The following SHISA6 variants were observed in gnomAD, a reference collection of about 807,000 sequenced individuals.
The protein encoded by SHISA6 is protein shisa-6.
A neutral mutation model predicts 47.9 loss-of-function variants in SHISA6; 22 were observed. The observed-to-expected ratio is 0.46, with a 90% CI of 0.33 to 0.66. The LOEUF (loss-of-function observed/expected upper bound fraction) is 0.66, where lower values mean the gene tolerates loss of function less well. Ranked by LOEUF, SHISA6 falls within the 30% of genes least tolerant of loss-of-function variation. SHISA6 has a pLI of 0.02. For missense variants in SHISA6, 680 were observed against 764.6 expected (o/e 0.89, Z 1.30); for synonymous variants, 388 against 337.8 (o/e 1.15, Z -1.63).
At chr17:11,531,080 C>G (rs931714965) in intron 3 of SHISA6, among the ~76,000 whole-genome samples, 1 of 152,004 alleles carries the variant, frequency 6.6e-6, no homozygotes, top group Non-Finnish European at 1.5e-5. Flanking sequence ...GTCAACTGTG[C>G]AGTATTGATA....
intron 2 of SHISA6, among the ~76,000 whole-genome samples, chr17:11,312,282 T>G: frequency 6.6e-6 from 1 of 152,190 alleles, no homozygotes; most frequent in East Asian, 1.9e-4. Flanking sequence ...TAATTTATTA[T>G]CATGTTTTTG....
intron 3 of SHISA6, among the ~76,000 whole-genome samples, chr17:11,465,721 C>T (rs763384128): frequency 6.6e-6 from 1 of 152,186 alleles, no homozygotes; most frequent in Non-Finnish European, 1.5e-5. Flanking sequence ...CTTTGTGGTG[C>T]AGCAGTGGGG....
intron 2 of SHISA6, among the ~76,000 whole-genome samples, chr17:11,312,283 C>A (rs552086593): frequency 6.6e-6 from 1 of 151,686 alleles, no homozygotes; most frequent in Non-Finnish European, 1.5e-5. Context: ...AATTTATTAT[C>A]ATGTTTTTGT....
At chr17:11,481,424 G>C (rs569719151) in intron 3 of SHISA6, among the ~76,000 whole-genome samples, 23 of 148,828 alleles carry the variant, frequency 1.5e-4, no homozygotes, top group African/African-American at 4.7e-4. Context: ...GCATTTATTT[G>C]AAGTAGAAGA....
intron 3 of SHISA6, among the ~76,000 whole-genome samples, chr17:11,466,885 C>T (rs1567613428): frequency 6.6e-6 from 1 of 152,158 alleles, no homozygotes; most frequent in South Asian, 2.1e-4. Flanking sequence ...CTGCTTAGGA[C>T]ACTTTTGTGC....
chr17:11,458,007 C>A (rs1261696849), intron 3 of SHISA6, among the ~76,000 whole-genome samples: 3 of 148,032 alleles, frequency 2.0e-5, no homozygotes, highest in African/African-American at 7.5e-5. Flanking sequence ...ATGGCGTGAA[C>A]CTGGGAGGCA....
intron 2 of SHISA6, among the ~76,000 whole-genome samples, chr17:11,278,777 C>T (rs549201019): frequency 6.6e-6 from 1 of 152,326 alleles, no homozygotes; most frequent in East Asian, 1.9e-4. Context: ...AGGGATTTAT[C>T]ACCGTGGCTT....
At chr17:11,419,081 G>A (rs1914374623) in intron 3 of SHISA6, among the ~76,000 whole-genome samples, 1 of 151,964 alleles carries the variant, frequency 6.6e-6, no homozygotes, top group Non-Finnish European at 1.5e-5. Context: ...GGGGGAGCGG[G>A]GAGGGATAGC....
chr17:11,558,537 A>C lies in SHISA6; in HGVS notation c.*233A>C, dbSNP rs543141288. Reference sequence around the variant, plus strand: ...GCAATCGCTCTTGCTCCTCCAGAAGAATCAGTGGGGAGTGAGGAGGGGGCT... The same window carrying C: ...GCAATCGCTCTTGCTCCTCCAGAAGCATCAGTGGGGAGTGAGGAGGGGGCT... On this transcript the variant is annotated 3_prime_UTR_variant, in exon 6 of 6. Coordinates refer to ENST00000441885, the MANE Select transcript of SHISA6 (RefSeq NM_207386.4). 1.2e-3 allele frequency: 689 copies of C among 576,796 alleles called. 4 individuals carry two copies. The highest frequency in any genetic ancestry group is 1.6e-3 in the Non-Finnish European group (530 of 324,284). 35.7% of individuals were successfully genotyped at this position (576,796 alleles called of 1,614,324 possible).
In SHISA6 at chr17:11,561,974, G is replaced by C. The variant is rs1157394925; in HGVS notation, c.*3670G>C. 2.6e-5 allele frequency: 4 copies of C among 152,150 alleles called. No homozygotes were observed. The highest frequency in any genetic ancestry group is 4.4e-5 in the Non-Finnish European group (3 of 68,138). The allele number at this position is 152,150 out of a possible 1,614,324, so 9.4% of individuals were successfully genotyped here. A position where few individuals can be genotyped will look rare whatever the true frequency, so the allele number is the denominator to read the frequency against. The stretch of plus-strand genomic sequence containing the variant: ...GTTTGAGATGTCATGGCCTGTGATA[G>C]TCAGTTTGGTTCCTGCCACTAGCAA... On this transcript the variant is annotated 3_prime_UTR_variant, in exon 6 of 6. Coordinates refer to ENST00000441885, the MANE Select transcript of SHISA6 (RefSeq NM_207386.4).
chr17:11,423,779 T>C (rs139920314), intron 3 of SHISA6, among the ~76,000 whole-genome samples: 113 of 152,026 alleles, frequency 7.4e-4, no homozygotes, highest in Admixed American at 3.0e-3. Flanking sequence ...AATTGTTGAA[T>C]TGTAATTCAA....
At chr17:11,475,556 T>C (rs1193283899) in intron 3 of SHISA6, among the ~76,000 whole-genome samples, 1 of 152,120 alleles carries the variant, frequency 6.6e-6, no homozygotes, top group Non-Finnish European at 1.5e-5. Context: ...TTTTCTTTTT[T>C]AGCCTGTTGA....
chr17:11,317,683 T>C (rs1910571029), intron 2 of SHISA6, among the ~76,000 whole-genome samples: 1 of 152,128 alleles, frequency 6.6e-6, no homozygotes, highest in East Asian at 1.9e-4. Context: ...TCTTCCTTTC[T>C]TCCCTCCCTC....
At chr17:11,421,352 A>G (rs1230815498) in intron 3 of SHISA6, among the ~76,000 whole-genome samples, 1 of 152,226 alleles carries the variant, frequency 6.6e-6, no homozygotes, top group Non-Finnish European at 1.5e-5. Flanking sequence ...AACAAAAAGA[A>G]AGAGGAAATA....
At chr17:11,502,554 C>T (rs576467866) in intron 3 of SHISA6, among the ~76,000 whole-genome samples, 299 of 151,768 alleles carry the variant, frequency 2.0e-3, no homozygotes, top group Non-Finnish European at 3.6e-3. Flanking sequence ...AGGTGAAACC[C>T]CTTCTCTACT....
At chr17:11,292,245 G>A (rs992303220) in intron 2 of SHISA6, among the ~76,000 whole-genome samples, 8 of 151,848 alleles carry the variant, frequency 5.3e-5, no homozygotes, top group Admixed American at 2.0e-4. Context: ...GGTGGTTAGG[G>A]CATTAACATA....
At chr17:11,322,935 C>G (rs752402499) in intron 2 of SHISA6, among the ~76,000 whole-genome samples, 1 of 151,968 alleles carries the variant, frequency 6.6e-6, no homozygotes, top group Non-Finnish European at 1.5e-5. Context: ...GTTAAGGGTT[C>G]CCAAAGGTTT....
intron 2 of SHISA6, among the ~76,000 whole-genome samples, chr17:11,318,400 C>G (rs915268535): frequency 2.9e-4 from 44 of 152,352 alleles, no homozygotes; most frequent in Middle Eastern, 3.4e-3. Context: ...TGGCTTCGTC[C>G]TGTGCCAAGC....
intron 2 of SHISA6, among the ~76,000 whole-genome samples, chr17:11,279,632 A>G (rs895425826): frequency 2.0e-5 from 3 of 152,074 alleles, no homozygotes; most frequent in Admixed American, 1.3e-4. Flanking sequence ...AGGAAGGCTG[A>G]CTCACTTGTT....
Sources: allele counts gnomAD v4.1 joint callset (sites outside exome capture counted in the v4.1 genomes callset), GRCh38; gene constraint gnomAD v4.1.1; transcripts MANE v1.5; gene names NCBI Gene and HGNC (gene_info 2026-07-23, HGNC 2026-07-21).